MAD1L1: variants seen among roughly 807,000 people sequenced by gnomAD.
The protein encoded by MAD1L1 is mitotic arrest deficient 1 like 1.
A neutral mutation model predicts 96.9 loss-of-function variants in MAD1L1; 95 were observed. That is an observed-to-expected ratio of 0.98 (90% CI 0.83 to 1.16). MAD1L1 has a LOEUF of 1.16. Ranked by LOEUF, MAD1L1 falls within the 50% of genes most tolerant of loss-of-function variation. The pLI, the probability that MAD1L1 is intolerant of heterozygous loss-of-function variation, is 0.00. For synonymous variants in MAD1L1, 473 were observed against 396.6 expected, an observed-to-expected ratio of 1.19 and a Z score of -2.29; for missense variants, 1,007 against 954.4, an observed-to-expected ratio of 1.06 and a Z score of -0.73.
At chr7:2,161,972 T>G (rs1250137898) in intron 10 of MAD1L1, among the ~76,000 whole-genome samples, 3 of 137,942 alleles carry the variant, frequency 2.2e-5, no homozygotes, top group Admixed American at 2.1e-4. Context: ...GTCCGGGAGG[T>G]GGGGGGCGGC....
chr7:1,840,174 G>A (rs931873986), intron 18 of MAD1L1, among the ~76,000 whole-genome samples: 11 of 152,272 alleles, frequency 7.2e-5, no homozygotes, highest in South Asian at 4.1e-4. Flanking sequence ...CCTGGAGCCC[G>A]AGGCCTACCC....
chr7:2,019,617 C>CAGGGGTTGGGGGTGGGGGT, intron 12 of MAD1L1, among the ~76,000 whole-genome samples: 1 of 152,204 alleles, frequency 6.6e-6, no homozygotes, highest in African/African-American at 2.4e-5. Flanking sequence ...CTTACGGCCA[C>CAGGGGTTGGGGGTGGGGGT]AGGGGTTGGG....
chr7:1,880,184 G>A (rs1418963947), intron 18 of MAD1L1, among the ~76,000 whole-genome samples: 2 of 152,230 alleles, frequency 1.3e-5, no homozygotes, highest in Admixed American at 6.5e-5. Flanking sequence ...TCCTCACAGT[G>A]TTCCTAATCA....
At chr7:2,108,418 TA>T (rs777394893) in intron 11 of MAD1L1, among the ~76,000 whole-genome samples, 4 of 152,258 alleles carry the variant, frequency 2.6e-5, no homozygotes, top group Admixed American at 6.5e-5. Context: ...TTTTTTAGTT[TA>T]AAACTTTATT....
At chr7:1,913,846 A>G (rs890132872) in intron 17 of MAD1L1, among the ~76,000 whole-genome samples, 4 of 151,894 alleles carry the variant, frequency 2.6e-5, no homozygotes, top group African/African-American at 4.9e-5. Flanking sequence ...CTTCACCCCT[A>G]TGGGAAGAAT....
At chr7:2,167,126 G>A (rs959879265) in intron 10 of MAD1L1, among the ~76,000 whole-genome samples, 1 of 152,174 alleles carries the variant, frequency 6.6e-6, no homozygotes, top group Non-Finnish European at 1.5e-5. Flanking sequence ...AGTAAGACCA[G>A]GGCAGCATGC....
chr7:2,011,804 C>T (rs892993332), intron 13 of MAD1L1, among the ~76,000 whole-genome samples: 1 of 151,766 alleles, frequency 6.6e-6, no homozygotes. Flanking sequence ...CAGCCGATAC[C>T]GTGGCTGTCT....
chr7:1,875,370 C>T (rs1208783868), intron 18 of MAD1L1, among the ~76,000 whole-genome samples: 2 of 152,210 alleles, frequency 1.3e-5, no homozygotes, highest in Admixed American at 6.5e-5. Flanking sequence ...GGCTGACAGT[C>T]GCCCTCCTCG....
intron 18 of MAD1L1, among the ~76,000 whole-genome samples, chr7:1,880,328 G>C (rs1443685143): frequency 6.6e-6 from 1 of 152,178 alleles, no homozygotes; most frequent in Admixed American, 6.5e-5. Flanking sequence ...CCCTGCACCA[G>C]GTCATGATGT....
intron 15 of MAD1L1, among the ~76,000 whole-genome samples, chr7:1,959,580 G>A (rs535222600): frequency 6.6e-6 from 1 of 152,234 alleles, no homozygotes; most frequent in African/African-American, 2.4e-5. Flanking sequence ...AGGCAGAGGT[G>A]GTACCTACAG....
rs577692583 is a variant in MAD1L1 at position 2,100,789 on chromosome 7, G to C, written c.1074-31451C>G. Reference sequence around the variant, plus strand: ...AAATAATTAAGCTGGCCCTGAAGGGGGTTGGAGGGTGGGAGGGGAACAGCT... The same window carrying C: ...AAATAATTAAGCTGGCCCTGAAGGGCGTTGGAGGGTGGGAGGGGAACAGCT... On this transcript the variant is annotated intron_variant, in intron 11 of 18. Transcript: ENST00000265854. Among the ~76,000 whole-genome samples the C allele has an allele frequency of 2.6e-5, 4 of 152,334 alleles. No homozygotes were observed. In the South Asian group the frequency reaches 8.3e-4, roughly 32 times the overall value.
chr7:2,219,418 C>A lies in MAD1L1; in HGVS notation c.510G>T (p.Gln170His). The change falls in exon 6 of 19, where the codon CAG becomes CAT. Residue 170 changes from glutamine (Q) to histidine (H), a missense_variant. Gln to His is a conservative substitution (Grantham distance 24). Transcript: ENST00000265854. ...NALKGRISELQWSVMDQEMRV... is the reference protein window; with the variant it reads ...NALKGRISELHWSVMDQEMRV... ...GCATCTCCTGGTCCATCACGCTCCA[C>A]TGCAGTTCCGAGATCCTCCCCTTCA... 1.2e-6 allele frequency: 2 copies of A among 1,613,552 alleles called. No homozygotes were observed. Among genetic ancestry groups the A allele is most frequent in the East Asian group, 2.2e-5 (1 of 44,872 alleles).
At chr7:1,914,433 G>A (rs1056636448) in intron 17 of MAD1L1, among the ~76,000 whole-genome samples, 12 of 152,334 alleles carry the variant, frequency 7.9e-5, no homozygotes, top group African/African-American at 2.9e-4. Flanking sequence ...GAAGATGTGC[G>A]CTCCGGCTCT....
At chr7:1,906,293 C>T (rs1431612997) in intron 17 of MAD1L1, among the ~76,000 whole-genome samples, 2 of 152,184 alleles carry the variant, frequency 1.3e-5, no homozygotes, top group Non-Finnish European at 2.9e-5. Flanking sequence ...GCTACCCCGT[C>T]CAGGATAACC....
intron 18 of MAD1L1, among the ~76,000 whole-genome samples, chr7:1,883,518 G>A (rs1785817089): frequency 6.6e-6 from 1 of 152,200 alleles, no homozygotes; most frequent in African/African-American, 2.4e-5. Context: ...GCTGCCTGAA[G>A]GCCAAGCTCC....
intron 12 of MAD1L1, among the ~76,000 whole-genome samples, chr7:2,041,887 C>T (rs370069370): frequency 7.9e-5 from 12 of 152,200 alleles, no homozygotes; most frequent in East Asian, 3.9e-4. Context: ...TTGGCCTGGC[C>T]ACGCTGCACC....
chr7:2,010,866 C>A (rs1381662886), intron 13 of MAD1L1, among the ~76,000 whole-genome samples: 1 of 151,772 alleles, frequency 6.6e-6, no homozygotes, highest in Non-Finnish European at 1.5e-5. Flanking sequence ...GGAAGGCTTG[C>A]GAGGCCCGAG....
chr7:1,898,601 G>T (rs914302657), intron 17 of MAD1L1, among the ~76,000 whole-genome samples: 7 of 152,166 alleles, frequency 4.6e-5, no homozygotes, highest in Non-Finnish European at 7.4e-5. Flanking sequence ...TGACCCTCTG[G>T]TGGTGGCAAT....
At chr7:1,893,621 A>G (rs551622355) in intron 18 of MAD1L1, among the ~76,000 whole-genome samples, 57 of 152,154 alleles carry the variant, frequency 3.7e-4, no homozygotes, top group African/African-American at 1.3e-3. Flanking sequence ...TCAGGAGGGT[A>G]GCTCAGGGAA....
Sources: allele counts gnomAD v4.1 joint callset (sites outside exome capture counted in the v4.1 genomes callset), GRCh38; gene constraint gnomAD v4.1.1; transcripts MANE v1.5; gene names NCBI Gene and HGNC (gene_info 2026-07-23, HGNC 2026-07-21).